The following MAN2A2 variants were observed in gnomAD, a reference collection of about 807,000 sequenced individuals.
MAN2A2 encodes the protein mannosidase alpha class 2A member 2, also known as alpha-mannosidase 2x.
In MAN2A2, 79 loss-of-function variants were observed where a neutral mutation model predicts 126.8. That is an observed-to-expected ratio of 0.62 (90% CI 0.52 to 0.75). The LOEUF is 0.75. MAN2A2 is among the 30% of genes least tolerant of loss of function. The pLI, the probability that MAN2A2 is intolerant of heterozygous loss-of-function variation, is 0.00. For synonymous variants in MAN2A2, 671 were observed against 618.7 expected, an observed-to-expected ratio of 1.08 and a Z score of -1.25; for missense variants, 1,392 against 1,522.4, an observed-to-expected ratio of 0.91 and a Z score of 1.43.
intron 22 of MAN2A2, among the ~76,000 whole-genome samples, chr15:90,919,019 A>G (rs1428269747): frequency 6.6e-6 from 1 of 152,198 alleles, no homozygotes; most frequent in East Asian, 1.9e-4. Context: ...AGAAAACCAG[A>G]ACCCATCCTG....
chr15:90,909,605 C>A (rs1338719283), intron 9 of MAN2A2, 101 bp downstream of exon 9: 1 of 849,152 alleles, frequency 1.2e-6, no homozygotes, highest in Admixed American at 3.3e-5. Context: ...GGGTGCCCCC[C>A]TTTTTTTTTT....
intron 7 of MAN2A2, 87 bp from the exon 8 acceptor site, chr15:90,907,222 G>A (rs568320583): frequency 7.4e-6 from 10 of 1,351,810 alleles, no homozygotes; most frequent in Admixed American, 5.4e-5. Flanking sequence ...CGGTCTATCA[G>A]GGCTGCCTTT....
rs1215932939 is a variant in MAN2A2 at position 90,921,924 on chromosome 15, AC to A, written c.*2139del. Reference sequence around the variant, plus strand: ...CCTGGGTGACACAGCCAAAAAAAAAACCACTAAGTTAGATCTCTACCTCACA... The same window carrying A: ...CCTGGGTGACACAGCCAAAAAAAAAACACTAAGTTAGATCTCTACCTCACA... On this transcript the variant is annotated 3_prime_UTR_variant, in exon 23 of 23. Transcript: ENST00000559717. 3 of 151,854 alleles carry A rather than the reference AC, an allele frequency of 2.0e-5. No homozygotes were observed. Among genetic ancestry groups the A allele is most frequent in the Non-Finnish European group, 2.9e-5 (2 of 67,964 alleles). 9.4% of individuals were successfully genotyped at this position (151,854 alleles called of 1,614,324 possible). A position where few individuals can be genotyped will look rare whatever the true frequency, so the allele number is the denominator to read the frequency against.
At chr15:90,917,598 C>T (rs1260143102) in intron 20 of MAN2A2, 4 of 152,796 alleles carry the variant, frequency 2.6e-5, no homozygotes, top group Non-Finnish European at 5.8e-5. Flanking sequence ...TTAGCATTAC[C>T]TGGGAATGCA....
At chr15:90,903,970 T>C in intron 1 of MAN2A2, 1 of 570,714 alleles carries the variant, frequency 1.8e-6, no homozygotes, top group Non-Finnish European at 3.2e-6. Flanking sequence ...GGGCCCGTTT[T>C]TCATAGCACC....
intron 13 of MAN2A2, 63 bp from the exon 14 acceptor site, chr15:90,911,322 T>C (rs1221854834): frequency 1.9e-6 from 3 of 1,611,950 alleles, no homozygotes; most frequent in Middle Eastern, 1.7e-4. Flanking sequence ...GCTGAACCAG[T>C]GCAGGGCGCT....
At chr15:90,902,550 C>T (rs1427334290), upstream of MAN2A2, 3 of 152,324 alleles carry the variant, frequency 2.0e-5, no homozygotes, top group East Asian at 3.9e-4. Context: ...AAAATTCAGT[C>T]GCGCGTCCCT....
At position 90,906,788 on chromosome 15, in the gene MAN2A2, C is replaced by T; in HGVS notation, c.884C>T (p.Ser295Phe). The change falls in exon 7 of 23, where the codon TCC becomes TTC. Residue 295 changes from serine to phenylalanine, a missense_variant. Coordinates refer to ENST00000559717, the MANE Select transcript of MAN2A2 (RefSeq NM_006122.4). ...GCAGTGGACCCCTTTGGATACAGCT[C>T]CACCATGCCTTACCTGCTGCGCCGT... ...GWAVDPFGYS[S>F]TMPYLLRRAN... 2 of 1,613,832 alleles carry T rather than the reference C, an allele frequency of 1.2e-6. No homozygotes were observed. The highest frequency in any genetic ancestry group is 1.7e-6 in the Non-Finnish European group (2 of 1,179,984).
At chr15:90,917,860 C>T (rs547505354) in intron 20 of MAN2A2, 357 of 241,716 alleles carry the variant, frequency 1.5e-3, no homozygotes, top group Non-Finnish European at 2.3e-3. Flanking sequence ...CCTGCGTCTG[C>T]CTGGCTGCCA....
intron 20 of MAN2A2, chr15:90,916,524 C>A: frequency 7.1e-7 from 1 of 1,403,014 alleles, no homozygotes; most frequent in Non-Finnish European, 9.5e-7. Context: ...CTGCCCTGTC[C>A]CAGCATTCTC....
In MAN2A2 at chr15:90,912,914, C is replaced by T. The variant is rs1480226970; in HGVS notation, c.2507C>T (p.Thr836Ile). The change falls in exon 17 of 23, where the codon ACT becomes ATT. Residue 836 changes from threonine (T) to isoleucine (I), a missense_variant. Thr to Ile is a moderately conservative substitution (Grantham distance 89). Coordinates refer to ENST00000559717, the MANE Select transcript of MAN2A2 (RefSeq NM_006122.4). The stretch of plus-strand genomic sequence containing the variant: ...AAGGAGCCCCCCGTGCTGCGTGTCA[C>T]TGAAGGCCCTTTCTTCTCAGAGGTG... ...VPKEPPVLRV[T>I]EGPFFSEVVA... The T allele has an allele frequency of 6.2e-7, 1 of 1,614,014 alleles. No individual in the cohort carries two copies. The highest frequency in any genetic ancestry group is 8.5e-7 in the Non-Finnish European group (1 of 1,179,990).
chr15:90,909,738 G>T (rs2034579380), intron 9 of MAN2A2, among the ~76,000 whole-genome samples: 1 of 152,064 alleles, frequency 6.6e-6, no homozygotes, highest in Admixed American at 6.5e-5. Context: ...CAAGTAGCTG[G>T]GACTACAGGT....
chr15:90,911,808 A>G (rs748914420), intron 14 of MAN2A2: 52 of 604,708 alleles, frequency 8.6e-5, no homozygotes, highest in African/African-American at 1.9e-4. Flanking sequence ...CAGTCATTCA[A>G]TGTTTATCGA....
Position 90,910,907 on chromosome 15 carries a change from G to T in MAN2A2, c.1821G>T (p.Val607=). 6.2e-7 allele frequency: 1 copy of T among 1,614,196 alleles called. No homozygotes were observed. ...QVIIHAAHYL[V]LGDKETYHFD... is the part of the protein sequence containing the mutation. ...TCATTCATGCAGCCCACTATCTGGT[G>T]CTGGGGGACAAGGAGACCTACCACT... The change falls in exon 12 of 23, where the codon GTG becomes GTT. Residue 607 remains valine (V), a synonymous_variant. Transcript: ENST00000559717.
rs1227503785 is a variant in MAN2A2, at chr15:90,919,666, A to T, written c.3332A>T (p.Asp1111Val). ...CTGGGCAGCCTTTTCCATGGCCTGG[A>T]TGTGGTATTCCTTCAGCCAACCTCC... ...VALGSLFHGL[D>V]VVFLQPTSLT... is the part of the protein sequence containing the mutation. Residue 1111 changes from aspartate to valine, a missense_variant, in exon 23 of 23, where the codon GAT becomes GTT. Asp to Val is a radical substitution (Grantham distance 152). Transcript: ENST00000559717. 6.2e-7 allele frequency: 1 copy of T among 1,613,962 alleles called. No homozygotes were observed. Among genetic ancestry groups the T allele is most frequent in the Non-Finnish European group, 8.5e-7 (1 of 1,180,024 alleles).
chr15:90,910,129 T>C lies in MAN2A2; in HGVS notation c.1414T>C (p.Tyr472His). The change falls in exon 10 of 23, where the codon TAC (tyrosine) becomes CAC (histidine). Residue 472 changes from tyrosine (Y) to histidine (H), a missense_variant. Tyr to His is a moderately conservative substitution (Grantham distance 83). Transcript: ENST00000559717. ...TCTTTCTGACTATTTTGATGCCCTG[T>C]ACAAGAGGACAGGGGTGGAGCCAGG... ...GTLSDYFDALYKRTGVEPGAR... is the reference protein window; with the variant it reads ...GTLSDYFDALHKRTGVEPGAR... 6.2e-7 allele frequency: 1 copy of C among 1,613,948 alleles called. No homozygotes were observed. Among genetic ancestry groups the C allele is most frequent in the Non-Finnish European group, 8.5e-7 (1 of 1,180,006 alleles).
chr15:90,918,921 G>A (rs556075857), intron 22 of MAN2A2, among the ~76,000 whole-genome samples, 166 bp downstream of exon 22: 1 of 152,338 alleles, frequency 6.6e-6, no homozygotes, highest in South Asian at 2.1e-4. Flanking sequence ...AGGCCTGGCA[G>A]GGGGAGTTCC....
At chr15:90,907,645 G>A (rs370338588) in intron 8 of MAN2A2, 150 bp downstream of exon 8, 31 of 699,784 alleles carry the variant, frequency 4.4e-5, no homozygotes, top group East Asian at 2.5e-4. Context: ...TGAAAAACTG[G>A]AATGGCTCTT....
In MAN2A2 at chr15:90,906,927, G is replaced by A. The variant is rs768356996; in HGVS notation, c.1009+14G>A. 3 of 1,612,970 alleles carry A rather than the reference G, an allele frequency of 1.9e-6. No homozygotes were observed. The East Asian group carries it at 6.7e-5, about 36-fold the overall frequency. On this transcript the variant is annotated intron_variant, in intron 7 of 22. Coordinates refer to ENST00000559717, the MANE Select transcript of MAN2A2 (RefSeq NM_006122.4). ...GGCAGACATGGGGTAAGGCCGGGTA[G>A]GGTAGAGGGGGTTACTGCAGCATAG...
Sources: allele counts gnomAD v4.1 joint callset (sites outside exome capture counted in the v4.1 genomes callset), GRCh38; gene constraint gnomAD v4.1.1; transcripts MANE v1.5; gene names NCBI Gene and HGNC (gene_info 2026-07-23, HGNC 2026-07-21).